Variants in CELF2 observed in about 807,000 individuals in gnomAD.
The protein encoded by CELF2 is CUGBP Elav-like family member 2.
A neutral mutation model predicts 62.6 loss-of-function variants in CELF2; 8 were observed. The observed-to-expected ratio is 0.13, with a 90% confidence interval of 0.07 to 0.23. The LOEUF (loss-of-function observed/expected upper bound fraction) is 0.23. Ranked by LOEUF, CELF2 falls within the 10% of genes least tolerant of loss-of-function variation. CELF2 has a pLI of 1.00. For missense variants in CELF2, 333 were observed against 671.0 expected (o/e 0.50, Z 5.56); for synonymous variants, 258 against 250.0 (o/e 1.03, Z -0.30).
At chr10:10,697,558 G>C in the CELF2 span, among the ~76,000 whole-genome samples, 1 of 152,214 alleles carries the variant, frequency 6.6e-6, no homozygotes, top group African/African-American at 2.4e-5. Context: ...AGTTCTAGAG[G>C]CTGGGAAGTC....
At chr10:10,686,897 T>C in the CELF2 span, among the ~76,000 whole-genome samples, 1 of 152,174 alleles carries the variant, frequency 6.6e-6, no homozygotes, top group East Asian at 1.9e-4. Flanking sequence ...TGCCCAGCCT[T>C]ATCTTCTTAT....
chr10:10,560,054 G>A, the CELF2 span, among the ~76,000 whole-genome samples: 1 of 152,164 alleles, frequency 6.6e-6, no homozygotes, highest in Non-Finnish European at 1.5e-5. Flanking sequence ...TTTGGAATGA[G>A]GGCTCAATGT....
chr10:11,236,770 A>G (rs2071483683), intron 3 of CELF2, among the ~76,000 whole-genome samples: 1 of 152,244 alleles, frequency 6.6e-6, no homozygotes, highest in South Asian at 2.1e-4. Flanking sequence ...TGTATAATAA[A>G]TGTAGAACAG....
intron 10 of CELF2, chr10:11,320,826 G>GT (rs35548374): frequency 0.013 from 17,834 of 1,373,034 alleles, 1 homozygote; most frequent in South Asian, 0.037. Context: ...TGCTACTAAG[G>GT]TTTTTTTTTT....
chr10:11,270,914 A>G lies in CELF2; in HGVS notation c.777+90A>G. 8.5e-7 allele frequency: 1 copy of G among 1,182,804 alleles called. No individual in the cohort carries two copies. Among genetic ancestry groups the G allele is most frequent in the Non-Finnish European group, 1.1e-6 (1 of 900,218 alleles). 73.3% of individuals were successfully genotyped at this position (1,182,804 alleles called of 1,614,324 possible). ...TCCCTACGCTGAGGCATTTGTTTTCAGTACATTTTCAATCTCGGGGAATTA... is the reference window on the plus strand; with the variant it reads ...TCCCTACGCTGAGGCATTTGTTTTCGGTACATTTTCAATCTCGGGGAATTA... On this transcript the variant is annotated intron_variant, in intron 7 of 12. Coordinates refer to ENST00000633077, the MANE Select transcript of CELF2 (RefSeq NM_001326342.2). The surrounding 1 kb of genome is among the most constrained non-coding windows in gnomAD (Gnocchi z 5.8).
rs1565028341 is a variant in CELF2, at chr10:11,165,293, C to T, written c.75-193C>T. The T allele has an allele frequency of 7.1e-7, 1 of 1,400,226 alleles. No homozygotes were observed. Among genetic ancestry groups the T allele is most frequent in the Non-Finnish European group, 9.3e-7 (1 of 1,078,998 alleles). The allele number at this position is 1,400,226 out of a possible 1,614,324, so 86.7% of individuals were successfully genotyped here. A position where few individuals can be genotyped will look rare whatever the true frequency, so the allele number is the denominator to read the frequency against. ...CGACAGCAGCACGCAGTGAGAGCCT[C>T]GCCGCCGCCGAGGAGCAACTCATGG... On this transcript the variant is annotated intron_variant, in intron 1 of 12. Coordinates refer to ENST00000633077, the MANE Select transcript of CELF2 (RefSeq NM_001326342.2). This position sits in a 1 kb window ranked among gnomAD's most constrained non-coding sequence, Gnocchi z 7.4.
At position 11,305,533 on chromosome 10, in the gene CELF2, C is replaced by G. The variant is rs2094137065; in HGVS notation, c.977-8606C>G. 6.6e-6 allele frequency among the ~76,000 whole-genome samples: 1 copy of G among 152,210 alleles called. No individual in the cohort carries two copies. The highest frequency in any genetic ancestry group is 6.5e-5 in the Admixed American group (1 of 15,288). On this transcript the variant is annotated intron_variant, in intron 9 of 12. Transcript: ENST00000633077. The surrounding 1 kb of genome is among the most constrained non-coding windows in gnomAD (Gnocchi z 4.8). ...TATCCGTCTGAAAGATGTCCTATTA[C>G]CTGTTATTGTCAGTGGGATTAGGAA...
chr10:10,845,636 T>G (rs1256874991), intron 1 of CELF2, among the ~76,000 whole-genome samples: 1 of 152,186 alleles, frequency 6.6e-6, no homozygotes, highest in Non-Finnish European at 1.5e-5. Context: ...ATTTAATCAT[T>G]TCACAATGCA....
chr10:11,295,900 A>C (rs2093118774), intron 9 of CELF2, among the ~76,000 whole-genome samples: 1 of 152,192 alleles, frequency 6.6e-6, no homozygotes, highest in Non-Finnish European at 1.5e-5. Context: ...TGTGCAATGA[A>C]CTTCTGCCTA....
At chr10:10,807,596 A>G (rs2055364274) in intron 1 of CELF2, among the ~76,000 whole-genome samples, 1 of 152,240 alleles carries the variant, frequency 6.6e-6, no homozygotes, top group African/African-American at 2.4e-5. Context: ...GGAGAAAAAG[A>G]TAAATGTTTC....
intron 1 of CELF2, among the ~76,000 whole-genome samples, chr10:11,088,564 C>CGGTGTGCATAACCCTGCTCACCT (rs55706560): frequency 1.3e-5 from 2 of 151,860 alleles, no homozygotes; most frequent in East Asian, 1.9e-4. Context: ...CTAGCAGAGC[C>CGGTGTGCATAACCCTGCTCACCT]GGATTTCTCA....
chr10:10,974,645 GGTTAC>G (rs1207545537), intron 2 of CELF2, among the ~76,000 whole-genome samples: 1 of 152,184 alleles, frequency 6.6e-6, no homozygotes, highest in East Asian at 1.9e-4. Flanking sequence ...CATCCCCTCT[GGTTAC>G]GTGATTATGT....
chr10:11,251,353 C>T (rs1449173305), intron 4 of CELF2, among the ~76,000 whole-genome samples: 1 of 133,588 alleles, frequency 7.5e-6, no homozygotes, highest in Admixed American at 9.1e-5. Flanking sequence ...CTACAGGCAG[C>T]TGCCAGGAGT....
chr10:11,043,210 T>C (rs999325758), intron 1 of CELF2, among the ~76,000 whole-genome samples: 1 of 152,176 alleles, frequency 6.6e-6, no homozygotes, highest in Non-Finnish European at 1.5e-5. Flanking sequence ...AGTTTGCTTT[T>C]GTAATGAGAA....
chr10:11,266,149 G>A (rs1287527563), intron 5 of CELF2, among the ~76,000 whole-genome samples: 1 of 152,146 alleles, frequency 6.6e-6, no homozygotes, highest in African/African-American at 2.4e-5. Context: ...TGCCCTTGGT[G>A]TGAGGATTTT....
rs537026741 is a variant in CELF2, at chr10:10,949,116, G to A, written c.89+29117G>A. Among the ~76,000 whole-genome samples the A allele has an allele frequency of 5.9e-5, 9 of 152,274 alleles. No homozygotes were observed. In the South Asian group the frequency reaches 1.9e-3, roughly 32 times the overall value. On this transcript the variant is annotated intron_variant, in intron 2 of 13. Transcript: ENST00000636488. ...AGAGAGAAGGGAAATTCAGGGTGAA[G>A]ATATTTGCATGTGAAGTCTGACTTC...
At chr10:10,956,786 T>C (rs550295713) in intron 2 of CELF2, among the ~76,000 whole-genome samples, 134 of 152,090 alleles carry the variant, frequency 8.8e-4, no homozygotes, top group African/African-American at 3.2e-3. Context: ...AAAATTTAAT[T>C]AGCTGAGTGT....
At chr10:10,966,013 C>T (rs564105230) in intron 2 of CELF2, among the ~76,000 whole-genome samples, 10 of 152,296 alleles carry the variant, frequency 6.6e-5, no homozygotes, top group South Asian at 6.2e-4. Flanking sequence ...AATATTGCCA[C>T]GGGCCCTACT....
the CELF2 span, among the ~76,000 whole-genome samples, chr10:10,696,953 C>T: frequency 6.6e-6 from 1 of 152,206 alleles, no homozygotes; most frequent in Admixed American, 6.5e-5. Context: ...CTGCGTCGCT[C>T]ACGCTGGGAG....
Sources: gnomAD v4.1 joint callset for allele counts (sites outside exome capture counted in the v4.1 genomes callset) on GRCh38, gnomAD v4.1.1 for gene constraint, Gnocchi (gnomAD v3.1) non-coding constraint, MANE v1.5 for transcripts, NCBI Gene and HGNC (gene_info 2026-07-23, HGNC 2026-07-21) for gene names.